CNTN4: variants seen among roughly 807,000 people sequenced by gnomAD.
CNTN4 encodes the protein contactin-4.
CNTN4 carries 77 observed loss-of-function variants against 122.5 expected under a neutral mutation model. The observed-to-expected ratio is 0.63, with a 90% CI of 0.52 to 0.76. CNTN4 has a LOEUF of 0.76. CNTN4 is among the 30% of genes least tolerant of loss of function. CNTN4 has a pLI of 0.00. For missense variants in CNTN4, 1,256 were observed against 1,259.1 expected (o/e 1.00, Z 0.04); for synonymous variants, 512 against 447.0 (o/e 1.15, Z -1.83).
intron 2 of CNTN4, among the ~76,000 whole-genome samples, chr3:2,279,094 C>CAAGTTTCTACTT (rs2041623466): frequency 2.0e-5 from 3 of 151,618 alleles, no homozygotes; most frequent in Non-Finnish European, 4.4e-5. Context: ...GGCTTGCTCA[C>CAAGTTTCTACTT]GTTATCTAAG....
chr3:2,747,054 A>G (rs2089806733), intron 6 of CNTN4, among the ~76,000 whole-genome samples: 1 of 151,440 alleles, frequency 6.6e-6, no homozygotes, highest in Non-Finnish European at 1.5e-5. Context: ...TGAATTTTGG[A>G]TGTCATAGTG....
In CNTN4 at chr3:3,041,308, G is replaced by T. The variant is rs78124791; in HGVS notation, c.2399-1002G>T. 1.1e-3 allele frequency among the ~76,000 whole-genome samples: 173 copies of T among 152,314 alleles called. 1 individual carries two copies. Among genetic ancestry groups the T allele is most frequent in the African/African-American group, 4.0e-3 (168 of 41,562 alleles). On this transcript the variant is annotated intron_variant, in intron 20 of 24. Coordinates refer to ENST00000418658, the MANE Select transcript of CNTN4 (RefSeq NM_175607.3). ...TGATGCCTTTCCCTGCATATTTCAT[G>T]TTCCAACCATTGCCAAAGGATTTAC...
At chr3:2,632,821 C>G (rs1287753323) in intron 4 of CNTN4, among the ~76,000 whole-genome samples, 5 of 152,058 alleles carry the variant, frequency 3.3e-5, no homozygotes, top group Non-Finnish European at 7.4e-5. Context: ...AGGTGTGCCT[C>G]AGAAAAGCTG....
chr3:2,466,124 C>T (rs1301273707), intron 3 of CNTN4, among the ~76,000 whole-genome samples: 4 of 152,154 alleles, frequency 2.6e-5, no homozygotes, highest in African/African-American at 9.7e-5. Context: ...TCACTAATCT[C>T]GCTGCAATAA....
intron 2 of CNTN4, among the ~76,000 whole-genome samples, chr3:2,200,870 G>T (rs940018329): frequency 6.6e-6 from 1 of 152,086 alleles, no homozygotes; most frequent in Non-Finnish European, 1.5e-5. Flanking sequence ...TTGAAAATTT[G>T]GGCTTCAAGA....
intron 14 of CNTN4, among the ~76,000 whole-genome samples, chr3:3,007,712 C>T (rs185556212): frequency 4.6e-5 from 7 of 152,338 alleles, no homozygotes; most frequent in African/African-American, 1.4e-4. Flanking sequence ...TCACACAAGA[C>T]TGGCTTGGTA....
chr3:2,565,681 T>C (rs770461603), intron 3 of CNTN4, among the ~76,000 whole-genome samples: 1 of 152,192 alleles, frequency 6.6e-6, no homozygotes, highest in African/African-American at 2.4e-5. Context: ...TCAACAAATA[T>C]CTATTGACTG....
chr3:2,452,477 C>A (rs539410549), intron 3 of CNTN4, among the ~76,000 whole-genome samples: 1 of 152,104 alleles, frequency 6.6e-6, no homozygotes, highest in East Asian at 1.9e-4. Context: ...ATGATTAGAG[C>A]CTAGTAATTA....
intron 2 of CNTN4, among the ~76,000 whole-genome samples, chr3:2,151,832 CA>C (rs1260556702): frequency 6.6e-6 from 1 of 152,216 alleles, no homozygotes; most frequent in East Asian, 1.9e-4. Context: ...TCCCCACCAG[CA>C]AGAAGGCCCT....
At chr3:2,471,203 C>T (rs1394517258) in intron 3 of CNTN4, among the ~76,000 whole-genome samples, 1 of 152,174 alleles carries the variant, frequency 6.6e-6, no homozygotes, top group Non-Finnish European at 1.5e-5. Context: ...AACTAAGTCC[C>T]AGAGAGTGAC....
At chr3:2,948,911 G>A (rs934655022) in intron 13 of CNTN4, among the ~76,000 whole-genome samples, 11 of 152,150 alleles carry the variant, frequency 7.2e-5, no homozygotes, top group Admixed American at 3.9e-4. Flanking sequence ...AATAAACTAA[G>A]GCTCAGTGAT....
chr3:2,720,316 G>C (rs1283530970), intron 4 of CNTN4, among the ~76,000 whole-genome samples: 1 of 152,158 alleles, frequency 6.6e-6, no homozygotes, highest in Non-Finnish European at 1.5e-5. Flanking sequence ...ATTAAATGCA[G>C]GTAGACATTA....
intron 3 of CNTN4, among the ~76,000 whole-genome samples, chr3:2,533,224 G>A (rs1171241646): frequency 6.6e-6 from 1 of 151,290 alleles, no homozygotes; most frequent in African/African-American, 2.4e-5. Context: ...ATGTTGGTGT[G>A]CTGCACCCAT....
chr3:2,367,969 C>T (rs528192131), intron 3 of CNTN4, among the ~76,000 whole-genome samples: 2 of 151,764 alleles, frequency 1.3e-5, no homozygotes, highest in South Asian at 2.1e-4. Flanking sequence ...CATGAACCTT[C>T]TCAGTGGTTC....
intron 2 of CNTN4, among the ~76,000 whole-genome samples, chr3:2,116,360 A>G (rs560189333): frequency 5.3e-4 from 81 of 152,240 alleles, no homozygotes; most frequent in Admixed American, 1.3e-3. Context: ...AGGAGGGGAG[A>G]CGTGTTTATG....
At chr3:2,686,289 T>C (rs2085426281) in intron 4 of CNTN4, among the ~76,000 whole-genome samples, 1 of 152,108 alleles carries the variant, frequency 6.6e-6, no homozygotes, top group Non-Finnish European at 1.5e-5. Flanking sequence ...TCTACCTCCT[T>C]ATAACTCCTG....
At chr3:2,181,222 C>T (rs567006479) in intron 2 of CNTN4, among the ~76,000 whole-genome samples, 1 of 152,064 alleles carries the variant, frequency 6.6e-6, no homozygotes, top group African/African-American at 2.4e-5. Context: ...AATAAAAGCA[C>T]AATTCCTTAA....
At chr3:2,362,451 C>A in intron 3 of CNTN4, 1 of 421,728 alleles carries the variant, frequency 2.4e-6, no homozygotes, top group South Asian at 1.9e-5. Flanking sequence ...GCCTCCCAGC[C>A]TACATCCTAT....
chr3:3,022,638 C>G (rs1448069507), intron 14 of CNTN4, among the ~76,000 whole-genome samples: 3 of 152,106 alleles, frequency 2.0e-5, no homozygotes, highest in Non-Finnish European at 4.4e-5. Context: ...ATAATTAACT[C>G]TTCCTCATGG....
Sources: gnomAD v4.1 joint callset for allele counts (sites outside exome capture counted in the v4.1 genomes callset) on GRCh38, gnomAD v4.1.1 for gene constraint, MANE v1.5 for transcripts, NCBI Gene and HGNC (gene_info 2026-07-23, HGNC 2026-07-21) for gene names.